Variants in TRAPPC9 observed in about 807,000 individuals in gnomAD.
The protein encoded by TRAPPC9 is IKK2 binding protein.
TRAPPC9 carries 83 observed loss-of-function variants against 124.0 expected under a neutral mutation model. The observed-to-expected ratio is 0.67, with a 90% CI of 0.56 to 0.80. The LOEUF (loss-of-function observed/expected upper bound fraction) is 0.80. Ranked by LOEUF, TRAPPC9 falls within the 30% of genes least tolerant of loss-of-function variation. TRAPPC9 has a pLI of 0.00. For missense variants in TRAPPC9, 1,302 were observed against 1,508.3 expected, an observed-to-expected ratio of 0.86 and a Z score of 2.27; for synonymous variants, 638 against 617.5, an observed-to-expected ratio of 1.03 and a Z score of -0.49.
At chr8:140,267,981 G>A (rs1268858444) in intron 15 of TRAPPC9, among the ~76,000 whole-genome samples, 1 of 151,924 alleles carries the variant, frequency 6.6e-6, no homozygotes, top group African/African-American at 2.4e-5. Flanking sequence ...AAAGCTATTC[G>A]TAGTACTGAG....
At chr8:140,105,358 G>A (rs1202150609) in intron 17 of TRAPPC9, among the ~76,000 whole-genome samples, 2 of 152,160 alleles carry the variant, frequency 1.3e-5, no homozygotes, top group African/African-American at 4.8e-5. Flanking sequence ...TGTTGAATCT[G>A]TCTCCCCCTG....
chr8:139,749,004 G>A (rs754814103), intron 21 of TRAPPC9, among the ~76,000 whole-genome samples: 21 of 152,120 alleles, frequency 1.4e-4, no homozygotes, highest in Non-Finnish European at 2.2e-4. Context: ...ATTTTCCAGA[G>A]AGAAGACATA....
At chr8:139,759,282 G>A (rs1238412837) in intron 21 of TRAPPC9, among the ~76,000 whole-genome samples, 1 of 152,186 alleles carries the variant, frequency 6.6e-6, no homozygotes, top group Non-Finnish European at 1.5e-5. Context: ...AAGGGGCGGG[G>A]AGGAATACCT....
At chr8:140,085,490 A>G (rs1844128677) in intron 17 of TRAPPC9, among the ~76,000 whole-genome samples, 3 of 152,330 alleles carry the variant, frequency 2.0e-5, no homozygotes, top group South Asian at 4.1e-4. Context: ...TTGTGAAATG[A>G]GAACCACCAA....
intron 19 of TRAPPC9, among the ~76,000 whole-genome samples, chr8:139,974,050 C>A (rs1254156361): frequency 1.3e-5 from 2 of 152,190 alleles, no homozygotes. Flanking sequence ...GCCGCCCAAG[C>A]CTCCAGGCCA....
At chr8:139,861,414 G>A (rs1828144738) in intron 21 of TRAPPC9, among the ~76,000 whole-genome samples, 1 of 152,186 alleles carries the variant, frequency 6.6e-6, no homozygotes, top group Non-Finnish European at 1.5e-5. Context: ...GTAACTAAAG[G>A]TGACTTAGGT....
At chr8:139,762,024 C>T (rs760117170) in intron 21 of TRAPPC9, among the ~76,000 whole-genome samples, 3 of 151,722 alleles carry the variant, frequency 2.0e-5, no homozygotes, top group Non-Finnish European at 2.9e-5. Flanking sequence ...CTCTATAACC[C>T]GGCCCTGTCT....
intron 19 of TRAPPC9, among the ~76,000 whole-genome samples, chr8:139,964,946 G>A (rs1362669548): frequency 2.0e-5 from 3 of 152,132 alleles, no homozygotes; most frequent in Non-Finnish European, 4.4e-5. Context: ...CTATCGTACC[G>A]AGCCTAACTG....
chr8:139,841,190 C>T (rs190273177), intron 21 of TRAPPC9, among the ~76,000 whole-genome samples: 13 of 152,280 alleles, frequency 8.5e-5, no homozygotes, highest in African/African-American at 2.4e-4. Context: ...CTTCTCACAT[C>T]GCATCACTCC....
intron 16 of TRAPPC9, among the ~76,000 whole-genome samples, chr8:140,222,653 G>C (rs1192467405): frequency 6.6e-6 from 1 of 152,250 alleles, no homozygotes; most frequent in Non-Finnish European, 1.5e-5. Flanking sequence ...TAACAGAAGA[G>C]AAGACCTGGC....
chr8:139,972,172 C>T (rs1369783771), intron 19 of TRAPPC9, among the ~76,000 whole-genome samples: 3 of 152,002 alleles, frequency 2.0e-5, no homozygotes, highest in African/African-American at 7.3e-5. Context: ...CACCCTGATA[C>T]CACCCCACAC....
At chr8:140,191,164 T>A (rs1206820649) in intron 17 of TRAPPC9, among the ~76,000 whole-genome samples, 1 of 152,168 alleles carries the variant, frequency 6.6e-6, no homozygotes, top group Non-Finnish European at 1.5e-5. Flanking sequence ...CAAAGCTAAC[T>A]CTTATTGAGG....
intron 19 of TRAPPC9, among the ~76,000 whole-genome samples, chr8:139,938,247 T>C (rs555726612): frequency 6.6e-6 from 1 of 152,298 alleles, no homozygotes; most frequent in African/African-American, 2.4e-5. Flanking sequence ...CGAAATCAGA[T>C]AGAAAACCAC....
At chr8:140,244,688 T>C (rs2063936144) in intron 16 of TRAPPC9, among the ~76,000 whole-genome samples, 1 of 152,176 alleles carries the variant, frequency 6.6e-6, no homozygotes, top group African/African-American at 2.4e-5. Flanking sequence ...TGGCTCGATC[T>C]TCTGGATAAT....
At chr8:139,996,102 A>C (rs1460071859) in intron 18 of TRAPPC9, among the ~76,000 whole-genome samples, 1 of 147,524 alleles carries the variant, frequency 6.8e-6, no homozygotes, top group East Asian at 2.0e-4. Flanking sequence ...AAACAAGTGA[A>C]AAGACGGAAA....
intron 14 of TRAPPC9, among the ~76,000 whole-genome samples, chr8:140,278,110 AT>A (rs35597120): frequency 5.1e-4 from 75 of 147,674 alleles, no homozygotes; most frequent in Admixed American, 4.0e-4. Flanking sequence ...ACAGGGACAA[AT>A]TTTTTTTTTT....
chr8:140,399,989 G>C (rs1400295814), intron 6 of TRAPPC9, among the ~76,000 whole-genome samples: 1 of 152,184 alleles, frequency 6.6e-6, no homozygotes, highest in Non-Finnish European at 1.5e-5. Flanking sequence ...AGTCTCATGA[G>C]ATCTGTGTTT....
At chr8:140,287,763 C>G (rs773434868) in intron 12 of TRAPPC9, 29 bp from the exon 13 acceptor site, 2 of 1,613,726 alleles carry the variant, frequency 1.2e-6, no homozygotes, top group Non-Finnish European at 1.7e-6. Flanking sequence ...CATCGTAAGC[C>G]CGGAGCAAAC....
At chr8:140,025,375 A>G (rs1053719519) in intron 17 of TRAPPC9, among the ~76,000 whole-genome samples, 1 of 152,236 alleles carries the variant, frequency 6.6e-6, no homozygotes, top group Non-Finnish European at 1.5e-5. Context: ...AAAACAAAAC[A>G]AAACAAAGCA....
Sources: gnomAD v4.1 joint callset for allele counts (sites outside exome capture counted in the v4.1 genomes callset) on GRCh38, gnomAD v4.1.1 for gene constraint, MANE v1.5 for transcripts, NCBI Gene and HGNC (gene_info 2026-07-23, HGNC 2026-07-21) for gene names.